Variants in ATG10 observed in about 807,000 individuals in gnomAD.
The protein encoded by ATG10 is autophagy related 10.
ATG10 carries 30 observed loss-of-function variants against 32.1 expected under a neutral mutation model. The ratio of observed to expected loss-of-function variants is 0.94; its 90% CI spans 0.70 to 1.27. ATG10 has a LOEUF of 1.27. Among genes scored for constraint, ATG10 ranks in the 50% most tolerant of loss-of-function variants. ATG10 has a pLI of 0.00. For synonymous variants in ATG10, 87 were observed against 91.5 expected (o/e 0.95, Z 0.28); for missense variants, 233 against 262.3 (o/e 0.89, Z 0.77).
intron 5 of ATG10, among the ~76,000 whole-genome samples, chr5:82,195,644 T>C (rs913035215): frequency 1.3e-5 from 2 of 152,222 alleles, no homozygotes; most frequent in Admixed American, 1.3e-4. Context: ...ATATGTGGCC[T>C]TTTGCTTATA....
At chr5:82,056,905 A>G (rs1763620098) in intron 2 of ATG10, among the ~76,000 whole-genome samples, 1 of 152,150 alleles carries the variant, frequency 6.6e-6, no homozygotes, top group Non-Finnish European at 1.5e-5. Context: ...TTAAATTTAC[A>G]TTTTTCTAAA....
chr5:82,001,493 C>A (rs1414820525), intron 2 of ATG10, among the ~76,000 whole-genome samples: 3 of 152,014 alleles, frequency 2.0e-5, no homozygotes, highest in Non-Finnish European at 1.5e-5. Context: ...AGAAACAAGG[C>A]CACACATATA....
chr5:81,984,871 A>C (rs1761207540), intron 1 of ATG10, among the ~76,000 whole-genome samples: 1 of 152,212 alleles, frequency 6.6e-6, no homozygotes, highest in African/African-American at 2.4e-5. Flanking sequence ...ATTATGGTAC[A>C]TTATGATGAA....
chr5:82,202,732 G>A (rs1745118265), intron 5 of ATG10, among the ~76,000 whole-genome samples: 1 of 151,774 alleles, frequency 6.6e-6, no homozygotes, highest in Non-Finnish European at 1.5e-5. Context: ...GAGCAAAACA[G>A]CAAGAGAAAA....
chr5:81,985,175 G>A (rs1013773345), intron 1 of ATG10, among the ~76,000 whole-genome samples: 1 of 152,154 alleles, frequency 6.6e-6, no homozygotes, highest in African/African-American at 2.4e-5. Context: ...GTTCAGTTTT[G>A]TTACTAAGTA....
At chr5:82,127,828 A>G (rs1236250329) in intron 3 of ATG10, among the ~76,000 whole-genome samples, 1 of 152,044 alleles carries the variant, frequency 6.6e-6, no homozygotes, top group Non-Finnish European at 1.5e-5. Flanking sequence ...TCAAGTCCTG[A>G]ATATCCTTGC....
intron 3 of ATG10, among the ~76,000 whole-genome samples, chr5:82,089,727 A>G (rs1764814759): frequency 1.3e-5 from 2 of 152,162 alleles, no homozygotes. Context: ...AGCATGATCC[A>G]TAAAAAGAAA....
At chr5:82,017,499 G>A (rs1053639963) in intron 2 of ATG10, among the ~76,000 whole-genome samples, 21 of 152,080 alleles carry the variant, frequency 1.4e-4, no homozygotes, top group African/African-American at 5.1e-4. Flanking sequence ...CAGGGGGAAT[G>A]CTTTCAACTT....
At chr5:82,168,970 G>C (rs1253131939) in intron 4 of ATG10, among the ~76,000 whole-genome samples, 1 of 152,170 alleles carries the variant, frequency 6.6e-6, no homozygotes, top group Non-Finnish European at 1.5e-5. Context: ...GTAGAGGACA[G>C]CCACAGGTTG....
chr5:82,117,691 A>G (rs370560445), intron 3 of ATG10, among the ~76,000 whole-genome samples: 1 of 152,298 alleles, frequency 6.6e-6, no homozygotes, highest in East Asian at 1.9e-4. Context: ...TCAGGATTCC[A>G]GTGTCTTCAA....
chr5:82,153,701 G>C (rs1387529954), intron 3 of ATG10, among the ~76,000 whole-genome samples: 2 of 152,070 alleles, frequency 1.3e-5, no homozygotes, highest in Non-Finnish European at 2.9e-5. Context: ...AAAATTCATA[G>C]ATTTGGAGGT....
At chr5:82,069,101 A>G (rs1764039486) in intron 3 of ATG10, among the ~76,000 whole-genome samples, 1 of 152,168 alleles carries the variant, frequency 6.6e-6, no homozygotes, top group Admixed American at 6.6e-5. Context: ...GATTAATTTA[A>G]AAATACTTTA....
chr5:82,226,863 C>T (rs1746153600), intron 5 of ATG10, among the ~76,000 whole-genome samples: 1 of 152,146 alleles, frequency 6.6e-6, no homozygotes, highest in Non-Finnish European at 1.5e-5. Context: ...TCCTATTACA[C>T]TTTAGAATTT....
At chr5:82,228,944 G>A (rs141629258) in intron 5 of ATG10, among the ~76,000 whole-genome samples, 281 of 152,304 alleles carry the variant, frequency 1.8e-3, no homozygotes, top group African/African-American at 6.4e-3. Flanking sequence ...GAGAAAGTAG[G>A]TAAATTATAG....
chr5:82,039,934 A>C (rs1763033234), intron 2 of ATG10, among the ~76,000 whole-genome samples: 2 of 152,194 alleles, frequency 1.3e-5, no homozygotes, highest in Admixed American at 1.3e-4. Flanking sequence ...TGGAGGGCCT[A>C]AGATGGCTTC....
chr5:82,092,363 G>C (rs560152061), intron 3 of ATG10, among the ~76,000 whole-genome samples: 82 of 152,196 alleles, frequency 5.4e-4, no homozygotes, highest in Non-Finnish European at 9.7e-4. Context: ...AATGACAAAG[G>C]CTTTTAAAAC....
intron 5 of ATG10, among the ~76,000 whole-genome samples, chr5:82,180,158 G>A (rs566186708): frequency 2.0e-5 from 3 of 152,094 alleles, no homozygotes; most frequent in African/African-American, 7.2e-5. Context: ...CTTTGCCTGG[G>A]CATCAGAGGT....
intron 4 of ATG10, among the ~76,000 whole-genome samples, chr5:82,171,425 T>C (rs571420167): frequency 6.6e-6 from 1 of 152,342 alleles, no homozygotes; most frequent in African/African-American, 2.4e-5. Context: ...GCAAGACTTT[T>C]AAACCATCTA....
chr5:82,153,315 A>G (rs1767675792), intron 3 of ATG10, among the ~76,000 whole-genome samples: 1 of 152,172 alleles, frequency 6.6e-6, no homozygotes, highest in South Asian at 2.1e-4. Context: ...GTCCATGCAT[A>G]TACAAGTGGG....
Sources: gnomAD v4.1 joint callset for allele counts (sites outside exome capture counted in the v4.1 genomes callset) on GRCh38, gnomAD v4.1.1 for gene constraint, MANE v1.5 for transcripts, NCBI Gene and HGNC (gene_info 2026-07-23, HGNC 2026-07-21) for gene names.